The following MAST4 variants were observed in gnomAD, a reference collection of about 807,000 sequenced individuals.
MAST4 encodes the protein microtubule associated serine/threonine kinase family member 4, also known as microtubule-associated serine/threonine-protein kinase 4.
MAST4 carries 89 observed loss-of-function variants against 162.7 expected under a neutral mutation model. The observed-to-expected ratio is 0.55, with a 90% CI of 0.46 to 0.65. The LOEUF (loss-of-function observed/expected upper bound fraction) is 0.65. Among genes scored for constraint, MAST4 ranks in the 30% least tolerant of loss-of-function variants. The pLI, the probability that MAST4 is intolerant of heterozygous loss-of-function variation, is 0.00. For synonymous variants in MAST4, 1,479 were observed against 1,361.1 expected (o/e 1.09, Z -1.91); for missense variants, 3,153 against 3,374.0 (o/e 0.93, Z 1.62).
intron 3 of MAST4, among the ~76,000 whole-genome samples, chr5:66,851,940 G>T (rs1257688382): frequency 6.6e-6 from 1 of 152,074 alleles, no homozygotes; most frequent in Non-Finnish European, 1.5e-5. Flanking sequence ...ATCTGGCGAG[G>T]TTATCTGACA....
At chr5:66,604,114 G>A (rs1742726685) in intron 1 of MAST4, among the ~76,000 whole-genome samples, 1 of 152,192 alleles carries the variant, frequency 6.6e-6, no homozygotes, top group South Asian at 2.1e-4. Flanking sequence ...AATGTGAAAT[G>A]CTGGTTCAGG....
intron 23 of MAST4, 85 bp downstream of exon 23, chr5:67,145,464 G>C: frequency 8.7e-7 from 1 of 1,147,114 alleles, no homozygotes; most frequent in South Asian, 1.5e-5. Context: ...GCCTCGCCAG[G>C]CAGTAAAGAT....
At chr5:66,639,513 CTA>C (rs1745345288) in intron 1 of MAST4, among the ~76,000 whole-genome samples, 2 of 152,120 alleles carry the variant, frequency 1.3e-5, no homozygotes, top group Admixed American at 6.5e-5. Flanking sequence ...AGTGGTGTAA[CTA>C]TGTTCGGTGA....
At chr5:66,672,092 A>G (rs997221521) in intron 1 of MAST4, among the ~76,000 whole-genome samples, 1 of 152,190 alleles carries the variant, frequency 6.6e-6, no homozygotes, top group Non-Finnish European at 1.5e-5. Flanking sequence ...ATTTTATTTA[A>G]TATCTGCTGC....
chr5:66,919,099 A>AACACACACACAC (rs56340246), intron 4 of MAST4, among the ~76,000 whole-genome samples: 3,966 of 142,212 alleles, frequency 0.028, 95 homozygotes, highest in African/African-American at 0.056. Context: ...CGAGACTCTC[A>AACACACACACAC]ACACACACAC....
chr5:66,798,845 G>T (rs774200054), intron 3 of MAST4, among the ~76,000 whole-genome samples: 6 of 152,104 alleles, frequency 3.9e-5, no homozygotes, highest in Admixed American at 6.6e-5. Context: ...AGTTAGGTTT[G>T]TACGGGTATT....
At position 66,833,890 on chromosome 5, in the gene MAST4, T is replaced by G. The variant is rs565978339; in HGVS notation, c.642+45096T>G. Among the ~76,000 whole-genome samples the G allele has an allele frequency of 2.6e-5, 4 of 152,284 alleles. No homozygotes were observed. The East Asian group carries it at 7.7e-4, about 29-fold the overall frequency. ...GAGTCAGATATGTGTTCAGTGACAT[T>G]GAATAGCTCTGTAACTTGTGTTAAG... is the stretch of plus-strand genomic sequence containing the variant. On this transcript the variant is annotated intron_variant, in intron 3 of 28. Coordinates refer to ENST00000403625, the MANE Select transcript of MAST4 (RefSeq NM_001164664.2).
intron 5 of MAST4, among the ~76,000 whole-genome samples, chr5:67,065,819 G>A (rs1390352170): frequency 6.6e-6 from 1 of 152,194 alleles, no homozygotes; most frequent in African/African-American, 2.4e-5. Flanking sequence ...AGCAATGTAT[G>A]AGTACTTCTC....
chr5:66,925,039 A>G (rs1764795981), intron 4 of MAST4, among the ~76,000 whole-genome samples: 1 of 152,342 alleles, frequency 6.6e-6, no homozygotes, highest in East Asian at 1.9e-4. Flanking sequence ...GTTTTTACCC[A>G]TAATCTAACC....
chr5:66,894,977 G>C (rs456625), intron 3 of MAST4, among the ~76,000 whole-genome samples: 80,203 of 151,808 alleles, frequency 0.53, 21,533 homozygotes, highest in Middle Eastern at 0.6. Flanking sequence ...AGGTATGTGG[G>C]GGCAGTTAGA....
intron 5 of MAST4, among the ~76,000 whole-genome samples, chr5:67,081,027 TATATA>T (rs1198262960): frequency 9.0e-5 from 12 of 133,270 alleles, no homozygotes; most frequent in East Asian, 2.0e-4. Context: ...TTGTATATAT[TATATA>T]ATATAATATA....
chr5:67,132,016 G>T, intron 16 of MAST4, 65 bp downstream of exon 16: 1 of 1,518,866 alleles, frequency 6.6e-7, no homozygotes, highest in Non-Finnish European at 8.9e-7. Flanking sequence ...TGTTTATAAA[G>T]ATGTTTTCTT....
At chr5:66,613,358 A>G (rs1485621504) in intron 1 of MAST4, among the ~76,000 whole-genome samples, 2 of 149,382 alleles carry the variant, frequency 1.3e-5, no homozygotes, top group East Asian at 3.9e-4. Flanking sequence ...TTGGGATAGC[A>G]TTGTCTTCCT....
intron 1 of MAST4, among the ~76,000 whole-genome samples, chr5:66,665,617 T>A (rs1747203602): frequency 6.6e-6 from 1 of 152,184 alleles, no homozygotes; most frequent in African/African-American, 2.4e-5. Context: ...TGGAGGCACT[T>A]AGGACATCTC....
chr5:66,682,310 A>C (rs1748384160), intron 1 of MAST4, among the ~76,000 whole-genome samples: 1 of 152,172 alleles, frequency 6.6e-6, no homozygotes, highest in Non-Finnish European at 1.5e-5. Flanking sequence ...CATGAATACA[A>C]ATTGTAGTTT....
chr5:66,620,280 T>G (rs1743991259), intron 1 of MAST4, among the ~76,000 whole-genome samples: 1 of 152,080 alleles, frequency 6.6e-6, no homozygotes, highest in Admixed American at 6.5e-5. Flanking sequence ...GTGGGGAAAA[T>G]ATATAGAAGT....
chr5:66,788,701 A>G lies in MAST4; in HGVS notation c.549A>G (p.Gly183=), dbSNP rs753082703. 1 of 1,606,854 alleles carries G rather than the reference A, an allele frequency of 6.2e-7. No individual in the cohort carries two copies. Among genetic ancestry groups the G allele is most frequent in the East Asian group, 2.2e-5 (1 of 44,462 alleles). The stretch of plus-strand genomic sequence containing the variant: ...ACCTTCTTCCAAACCCGGTGGCGGG[A>G]CAGGCCTGGCCGGCCTCTGCAGAGA... The part of the protein sequence containing the change: ...GRYLLPNPVA[G]QAWPASAETS... The change falls in exon 3 of 29, where the codon GGA becomes GGG. Residue 183 remains glycine, a synonymous_variant. Transcript: ENST00000403625.
intron 1 of MAST4, among the ~76,000 whole-genome samples, chr5:66,670,374 T>C (rs1747531347): frequency 6.6e-6 from 1 of 152,182 alleles, no homozygotes; most frequent in Non-Finnish European, 1.5e-5. Context: ...ACAATCATAC[T>C]AATTTGCAAT....
chr5:66,830,022 A>G (rs1242373546), intron 3 of MAST4, among the ~76,000 whole-genome samples: 1 of 152,020 alleles, frequency 6.6e-6, no homozygotes, highest in African/African-American at 2.4e-5. Context: ...ACTGCTGTGG[A>G]TTTCCTTTTC....
Sources: gnomAD v4.1 joint callset for allele counts (sites outside exome capture counted in the v4.1 genomes callset) on GRCh38, gnomAD v4.1.1 for gene constraint, MANE v1.5 for transcripts, NCBI Gene and HGNC (gene_info 2026-07-23, HGNC 2026-07-21) for gene names.